The following DMD variants were observed in gnomAD, a reference collection of about 807,000 sequenced individuals.
DMD encodes the protein mutant dystrophin.
A neutral mutation model predicts 330.1 loss-of-function variants in DMD; 63 were observed. The ratio of observed to expected loss-of-function variants is 0.19; its 90% CI spans 0.16 to 0.24. The LOEUF (loss-of-function observed/expected upper bound fraction) is 0.24, where lower values mean the gene tolerates loss of function less well. DMD is among the 10% of genes least tolerant of loss of function. The pLI is 1.00. For missense variants in DMD, 3,344 were observed against 2,684.1 expected, an observed-to-expected ratio of 1.25 and a Z score of -5.43; for synonymous variants, 1,223 against 959.8, an observed-to-expected ratio of 1.27 and a Z score of -5.07.
At chrX:31,649,605 G>A (rs1039813019) in intron 54 of DMD, among the ~76,000 whole-genome samples, 1 of 106,666 alleles carries the variant, frequency 9.4e-6, no homozygotes, top group African/African-American at 3.5e-5. Flanking sequence ...TTGAGACAAA[G>A]TCTTGCTCTG....
intron 43 of DMD, among the ~76,000 whole-genome samples, chrX:32,246,704 G>T (rs1031289919): frequency 2.2e-4 from 23 of 103,418 alleles, no homozygotes; most frequent in Non-Finnish European, 3.9e-4. Context: ...GAGTGTATGT[G>T]TCGAGGAATG....
rs951107467 is a variant in DMD, at chrX:33,297,379, G to A, written c.7+41880C>T. Among the ~76,000 whole-genome samples, 10 of 110,373 alleles carry A rather than the reference G, an allele frequency of 9.1e-5. No homozygotes were observed. The East Asian group carries it at 1.4e-3, about 16-fold the overall frequency. ...GGAGAAAAGGAAACCCTCATGCACTGTTTGTGGGAATGTAAATTGGTACAG... is the reference window on the plus strand; with the variant it reads ...GGAGAAAAGGAAACCCTCATGCACTATTTGTGGGAATGTAAATTGGTACAG... On this transcript the variant is annotated intron_variant, in intron 1 of 17. Coordinates refer to the DMD transcript ENST00000288447.
chrX:31,231,133 C>G (rs969993139), intron 63 of DMD, among the ~76,000 whole-genome samples: 2 of 110,612 alleles, frequency 1.8e-5, no homozygotes, highest in Non-Finnish European at 3.8e-5. Flanking sequence ...CTCTAACTCC[C>G]AAAACCTTCA....
intron 29 of DMD, among the ~76,000 whole-genome samples, chrX:32,421,522 T>C (rs927797252): frequency 3.6e-5 from 4 of 111,657 alleles, no homozygotes; most frequent in Admixed American, 9.5e-5. Flanking sequence ...GACTCGTGTG[T>C]TTATATGAGC....
chrX:31,225,952 G>C (rs1276190949), intron 63 of DMD, among the ~76,000 whole-genome samples: 1 of 112,229 alleles, frequency 8.9e-6, no homozygotes, highest in East Asian at 2.8e-4. Flanking sequence ...CTTGTACTGA[G>C]ACTTGCTTTC....
chrX:31,899,368 T>G (rs1381418243), intron 47 of DMD, among the ~76,000 whole-genome samples: 2 of 110,035 alleles, frequency 1.8e-5, no homozygotes, highest in African/African-American at 6.6e-5. Context: ...TTGGCCATAT[T>G]CATTTTCTGC....
chrX:31,373,846 T>C (rs1276145526), intron 60 of DMD, among the ~76,000 whole-genome samples: 2 of 108,841 alleles, frequency 1.8e-5, no homozygotes, highest in Non-Finnish European at 3.8e-5. Flanking sequence ...AAAGAGCTTC[T>C]GCACAGCAAA....
intron 44 of DMD, among the ~76,000 whole-genome samples, chrX:32,100,057 A>T (rs1217576626): frequency 9.0e-6 from 1 of 110,669 alleles, no homozygotes; most frequent in Non-Finnish European, 1.9e-5. Flanking sequence ...TTCTGGATTC[A>T]ATGCATTTGC....
intron 1 of DMD, among the ~76,000 whole-genome samples, chrX:33,043,444 G>A (rs1244241307): frequency 9.0e-6 from 1 of 111,143 alleles, no homozygotes; most frequent in Non-Finnish European, 1.9e-5. Context: ...AGTATTTCCA[G>A]CCTTCCAGTT....
intron 44 of DMD, among the ~76,000 whole-genome samples, chrX:32,034,671 T>C (rs2095926029): frequency 9.0e-6 from 1 of 111,259 alleles, no homozygotes; most frequent in African/African-American, 3.3e-5. Flanking sequence ...AAAAATAGAG[T>C]ATTTCAAAGA....
intron 67 of DMD, among the ~76,000 whole-genome samples, chrX:31,191,061 T>A (rs189646578): frequency 1.9e-3 from 210 of 112,044 alleles, no homozygotes; most frequent in African/African-American, 4.1e-3. Context: ...AGATTTGAAA[T>A]CAAGTTGCTT....
intron 18 of DMD, among the ~76,000 whole-genome samples, chrX:32,510,657 C>T (rs1294284234): frequency 9.0e-6 from 1 of 111,525 alleles, no homozygotes; most frequent in East Asian, 2.8e-4. Flanking sequence ...TCTCCCCTTA[C>T]CCACAATGCT....
In DMD at chrX:32,463,454, A is replaced by G. The variant is rs1557369377; in HGVS notation, c.3417T>C (p.Asp1139=). The part of the protein sequence containing the change: ...TELKELNTQW[D]HMCQQVYARK... The stretch of plus-strand genomic sequence containing the variant: ...TTGTCTATACCTGTTGGCACATGTG[A>G]TCCCACTGAGTGTTAAGTTCTTTGA... Residue 1139 remains aspartate, a synonymous_variant, in exon 25 of 79, where the codon GAT becomes GAC. Transcript: ENST00000357033. 2 of 1,208,070 alleles carry G rather than the reference A, an allele frequency of 1.7e-6. No individual in the cohort carries two copies. Among genetic ancestry groups the G allele is most frequent in the Non-Finnish European group, 1.1e-6 (1 of 893,708 alleles).
At chrX:32,668,630 A>T (rs866845532) in intron 9 of DMD, among the ~76,000 whole-genome samples, 2 of 111,707 alleles carry the variant, frequency 1.8e-5, no homozygotes, top group South Asian at 3.7e-4. Context: ...TTAAAACAAA[A>T]TGCCGCCTGA....
chrX:31,999,321 A>G (rs1248061189), intron 44 of DMD, among the ~76,000 whole-genome samples: 1 of 111,887 alleles, frequency 8.9e-6, no homozygotes, highest in Non-Finnish European at 1.9e-5. Context: ...TTTCACGGGA[A>G]ATTTATCCTG....
intron 52 of DMD, among the ~76,000 whole-genome samples, chrX:31,693,334 C>T (rs1353282712): frequency 1.8e-5 from 2 of 111,482 alleles, no homozygotes; most frequent in African/African-American, 6.5e-5. Context: ...AACAGTAAAA[C>T]GTAGAAGGCT....
intron 62 of DMD, among the ~76,000 whole-genome samples, chrX:31,308,572 A>G (rs1471640918): frequency 9.0e-6 from 1 of 111,560 alleles, no homozygotes; most frequent in Non-Finnish European, 1.9e-5. Context: ...TTTTTTAAAA[A>G]TTATTTATTT....
chrX:32,684,018 T>TACAC (rs369735561), intron 9 of DMD, among the ~76,000 whole-genome samples: 2,850 of 70,865 alleles, frequency 0.04, 45 homozygotes, highest in Middle Eastern at 0.06. Flanking sequence ...CACACATACA[T>TACAC]ACACACACAC....
chrX:32,932,417 T>C (rs12390385), intron 2 of DMD, among the ~76,000 whole-genome samples: 29,237 of 111,191 alleles, frequency 0.26, 3,472 homozygotes, highest in Non-Finnish European at 0.38. Flanking sequence ...GTGGATTTTA[T>C]TTTCAGGGGA....
Sources: gnomAD v4.1 joint callset for allele counts (sites outside exome capture counted in the v4.1 genomes callset) on GRCh38, gnomAD v4.1.1 for gene constraint, MANE v1.5 for transcripts, NCBI Gene and HGNC (gene_info 2026-07-23, HGNC 2026-07-21) for gene names.